CLIP1: variants seen among roughly 807,000 people sequenced by gnomAD.
CLIP1 encodes CAP-Gly domain-containing linker protein 1.
A neutral mutation model predicts 161.6 loss-of-function variants in CLIP1; 66 were observed. That is an observed-to-expected ratio of 0.41 (90% CI 0.33 to 0.50). The LOEUF (loss-of-function observed/expected upper bound fraction) is 0.50, where lower values mean the gene tolerates loss of function less well. Ranked by LOEUF, CLIP1 falls within the 20% of genes least tolerant of loss-of-function variation. CLIP1 has a pLI of 0.27. For missense variants in CLIP1, 1,376 were observed against 1,702.0 expected (o/e 0.81, Z 3.37); for synonymous variants, 598 against 626.2 (o/e 0.96, Z 0.67).
rs59785886 is a variant in CLIP1, at chr12:122,294,328, CAA to C, written c.3595-5789_3595-5788del. ...TGGGTAAGAGTGCAAGACTCTGTCT[CAA>C]AAAAAAAAAAAAACAAAAAAAAAAA... On this transcript the variant is annotated intron_variant, in intron 20 of 25. Coordinates refer to ENST00000620786, the MANE Select transcript of CLIP1 (RefSeq NM_001247997.2). 8.3e-5 allele frequency among the ~76,000 whole-genome samples: 7 copies of C among 84,098 alleles called. No homozygotes were observed. In the East Asian group the frequency reaches 1.8e-3, roughly 22 times the overall value. 55.2% of individuals were successfully genotyped at this position (84,098 alleles called of 152,430 possible). A position where few individuals can be genotyped will look rare whatever the true frequency, so the allele number is the denominator to read the frequency against.
In CLIP1 at chr12:122,377,610, T is replaced by G; in HGVS notation, c.436A>C (p.Thr146Pro). Reference sequence around the variant, plus strand: ...GCCGTAGAAGTGCACAGCGGTGAAGTAGCTCGGGAGGCGGGCGTTGTCTGC... The same window carrying G: ...GCCGTAGAAGTGCACAGCGGTGAAGGAGCTCGGGAGGCGGGCGTTGTCTGC... ...GLQTTPASRA[T>P]SPLCTSTASM... is the part of the protein sequence containing the mutation. The change falls in exon 3 of 26, where the codon ACT becomes CCT. Residue 146 changes from threonine to proline, a missense_variant. Thr to Pro is a conservative substitution (Grantham distance 38, BLOSUM62 -1). Coordinates refer to ENST00000620786, the MANE Select transcript of CLIP1 (RefSeq NM_001247997.2). 1 of 1,613,836 alleles carries G rather than the reference T, an allele frequency of 6.2e-7. No homozygotes were observed. The highest frequency in any genetic ancestry group is 8.5e-7 in the Non-Finnish European group (1 of 1,179,970).
rs1252883931 is a variant in CLIP1, at chr12:122,407,277, G to C, written c.-107+15244C>G. On this transcript the variant is annotated intron_variant, in intron 1 of 25. Coordinates refer to ENST00000620786, the MANE Select transcript of CLIP1 (RefSeq NM_001247997.2). Reference sequence around the variant, plus strand: ...CTGATTCTAAAAAGTGAAATCACTTGTCAAGGTCATACTTACTTAACAGTC... The same window carrying C: ...CTGATTCTAAAAAGTGAAATCACTTCTCAAGGTCATACTTACTTAACAGTC... 3.9e-5 allele frequency among the ~76,000 whole-genome samples: 6 copies of C among 151,988 alleles called. No individual in the cohort carries two copies. The South Asian group carries it at 1.3e-3, about 32-fold the overall frequency.
chr12:122,320,892 T>C (rs1204414223), intron 17 of CLIP1, among the ~76,000 whole-genome samples: 1 of 151,440 alleles, frequency 6.6e-6, no homozygotes, highest in South Asian at 2.1e-4. Context: ...GTATTTTTAG[T>C]AGAGACGGGG....
intron 1 of CLIP1, among the ~76,000 whole-genome samples, chr12:122,406,858 C>CTT (rs1956342302): frequency 6.6e-6 from 1 of 151,100 alleles, no homozygotes; most frequent in Admixed American, 6.6e-5. Context: ...ACAGCTCAGT[C>CTT]TGAGTGCAGA....
At position 122,379,943 on chromosome 12, in the gene CLIP1, T is replaced by TAAAAAAAAAAA. The variant is rs1566198620; in HGVS notation, c.85+424_85+425insTTTTTTTTTTT. On this transcript the variant is annotated intron_variant, in intron 2 of 25. Coordinates refer to ENST00000620786, the MANE Select transcript of CLIP1 (RefSeq NM_001247997.2). The stretch of plus-strand genomic sequence containing the variant: ...TGGGGAATAGAGCAAGACTCCATCT[T>TAAAAAAAAAAA]TAAAAAAAAAAAAAAAAAATGCAAG... Among the ~76,000 whole-genome samples, 28 of 70,384 alleles carry TAAAAAAAAAAA rather than the reference T, an allele frequency of 4.0e-4. 3 individuals carry two copies. The East Asian group carries it at 4.3e-3, about 11-fold the overall frequency. The allele number at this position is 70,384 out of a possible 152,430, so 46.2% of individuals were successfully genotyped here.
chr12:122,400,703 T>C (rs1487963242), intron 1 of CLIP1: 1 of 152,228 alleles, frequency 6.6e-6, no homozygotes, highest in African/African-American at 2.4e-5. Flanking sequence ...TCCATGAGAT[T>C]TGATTTGTCT....
At chr12:122,306,997 A>AT (rs1950897028) in intron 20 of CLIP1, among the ~76,000 whole-genome samples, 10 of 101,676 alleles carry the variant, frequency 9.8e-5, no homozygotes, top group African/African-American at 3.9e-4. Flanking sequence ...TGGTAAGTTC[A>AT]CTTTTTTTTT....
chr12:122,357,452 G>A (rs1369709731), intron 5 of CLIP1, among the ~76,000 whole-genome samples: 3 of 147,698 alleles, frequency 2.0e-5, no homozygotes, highest in Non-Finnish European at 4.5e-5. Flanking sequence ...CAGCCACCCC[G>A]TCTGGGAAGT....
intron 1 of CLIP1, among the ~76,000 whole-genome samples, chr12:122,414,076 TTTTTAA>T (rs551426124): frequency 2.4e-4 from 36 of 152,296 alleles, no homozygotes; most frequent in African/African-American, 7.2e-4. Flanking sequence ...TTGTTTTTAT[TTTTTAA>T]TTTTGATTGA....
chr12:122,313,136 TC>T (rs1383520384), intron 19 of CLIP1, among the ~76,000 whole-genome samples: 2 of 152,000 alleles, frequency 1.3e-5, no homozygotes, highest in East Asian at 3.9e-4. Flanking sequence ...CCACTGTTCC[TC>T]CCTCCCGTTA....
chr12:122,392,108 CAA>C (rs1233558235), intron 1 of CLIP1, among the ~76,000 whole-genome samples: 1 of 151,932 alleles, frequency 6.6e-6, no homozygotes, highest in African/African-American at 2.4e-5. Context: ...CCCATCTCTA[CAA>C]AAAAATACAA....
At chr12:122,316,142 C>T (rs909597709) in intron 19 of CLIP1, among the ~76,000 whole-genome samples, 7 of 151,016 alleles carry the variant, frequency 4.6e-5, no homozygotes, top group African/African-American at 1.5e-4. Flanking sequence ...CACTTGAGGT[C>T]GGAAGTTCAA....
At chr12:122,291,642 T>C (rs1050540488) in intron 20 of CLIP1, among the ~76,000 whole-genome samples, 1 of 152,208 alleles carries the variant, frequency 6.6e-6, no homozygotes, top group Non-Finnish European at 1.5e-5. Context: ...ACAGAAGTAA[T>C]CCTGTGTCCT....
chr12:122,365,672 C>A, intron 3 of CLIP1: 1 of 591,986 alleles, frequency 1.7e-6, no homozygotes, highest in Non-Finnish European at 2.8e-6. Flanking sequence ...GACCTCTGGG[C>A]TATTTAAAAA....
intron 20 of CLIP1, 39 bp downstream of exon 20, chr12:122,309,723 G>T (rs1425725605): frequency 3.6e-5 from 58 of 1,610,312 alleles, no homozygotes; most frequent in Non-Finnish European, 4.8e-5. Flanking sequence ...GCAGCACCCA[G>T]CATGGCACAG....
At chr12:122,287,820 C>T (rs962515589) in intron 21 of CLIP1, among the ~76,000 whole-genome samples, 1 of 152,116 alleles carries the variant, frequency 6.6e-6, no homozygotes, top group Non-Finnish European at 1.5e-5. Context: ...TATTAGTGAA[C>T]ATTAAAATTT....
At chr12:122,390,627 A>G (rs921843142) in intron 1 of CLIP1, among the ~76,000 whole-genome samples, 1 of 151,678 alleles carries the variant, frequency 6.6e-6, no homozygotes, top group African/African-American at 2.4e-5. Context: ...TGCTTTTAAA[A>G]GTCATGTAAT....
chr12:122,413,630 A>C (rs1411049148), intron 1 of CLIP1, among the ~76,000 whole-genome samples: 1 of 152,234 alleles, frequency 6.6e-6, no homozygotes, highest in Admixed American at 6.6e-5. Flanking sequence ...GTCTGCCTGT[A>C]GTCTCATTAG....
chr12:122,422,133 G>A (rs951703728), intron 1 of CLIP1, among the ~76,000 whole-genome samples: 1 of 152,122 alleles, frequency 6.6e-6, no homozygotes, highest in East Asian at 1.9e-4. Context: ...GGCCTCCCGG[G>A]GTCCGGCCGA....
Sources: gnomAD v4.1 joint callset for allele counts (sites outside exome capture counted in the v4.1 genomes callset) on GRCh38, gnomAD v4.1.1 for gene constraint, MANE v1.5 for transcripts, NCBI Gene and HGNC (gene_info 2026-07-23, HGNC 2026-07-21) for gene names.